The following HERC4 variants were observed in gnomAD, a reference collection of about 807,000 sequenced individuals.
HERC4 encodes HECT and RLD domain containing E3 ubiquitin protein ligase 4.
Under a neutral mutation model 124.3 loss-of-function variants are expected in HERC4, and 28 were observed. The observed-to-expected ratio is 0.23, with a 90% CI of 0.17 to 0.31. HERC4 has a LOEUF of 0.31. Among genes scored for constraint, HERC4 ranks in the 10% least tolerant of loss-of-function variants. The probability of loss-of-function intolerance (pLI) is 1.00; values close to 1 mark genes in which losing one functional copy is unlikely to be tolerated. For synonymous variants in HERC4, 407 were observed against 421.5 expected (o/e 0.97, Z 0.42); for missense variants, 713 against 1,229.3 (o/e 0.58, Z 6.28).
chr10:68,015,850 T>A (rs1193193652), intron 8 of HERC4, among the ~76,000 whole-genome samples: 3 of 152,112 alleles, frequency 2.0e-5, no homozygotes, highest in African/African-American at 7.2e-5. Context: ...GGCCTATAAT[T>A]CCAGCACTTT....
chr10:68,049,773 T>C (rs559305493), intron 3 of HERC4, among the ~76,000 whole-genome samples: 2 of 151,612 alleles, frequency 1.3e-5, no homozygotes, highest in Non-Finnish European at 2.9e-5. Flanking sequence ...TAGCCAGGCA[T>C]GGGGGCAAAT....
Position 67,940,985 on chromosome 10 carries a change from T to G in HERC4, c.2458A>C (p.Lys820Gln). 1.9e-6 allele frequency: 3 copies of G among 1,611,536 alleles called. No homozygotes were observed. The highest frequency in any genetic ancestry group is 2.5e-6 in the Non-Finnish European group (3 of 1,179,376). ...TCTTTCAAATCATCCAAGGATGGCT[T>G]CTTTTTCAGTAGTTTCTTATATAAA... ...LALYKKLLKK[K>Q]PSLDDLKELM... Residue 820 changes from lysine to glutamine, a missense_variant, in exon 20 of 25, where the codon AAG (lysine) becomes CAG (glutamine). Physicochemically the swap from Lys to Gln is moderately conservative, Grantham distance 53 (BLOSUM62 1). Coordinates refer to ENST00000373700, the MANE Select transcript of HERC4 (RefSeq NM_015601.4).
In HERC4 at chr10:67,927,413, TATATATATA is replaced by T. The variant is rs2031185727; in HGVS notation, c.2839-2235_2839-2227del. Among the ~76,000 whole-genome samples, 31 of 12,980 alleles carry T rather than the reference TATATATATA, an allele frequency of 2.4e-3. 2 individuals are homozygous for T. The highest frequency in any genetic ancestry group is 9.0e-3 in the South Asian group (7 of 774). The allele number at this position is 12,980 out of a possible 152,430, so 8.5% of individuals were successfully genotyped here. On this transcript the variant is annotated intron_variant, in intron 23 of 24. Transcript: ENST00000373700. ...ATATATATATATATATATATATATA[TATATATATA>T]TATATATATTTTTTTTTTTTTTTAG...
Position 67,988,892 on chromosome 10 carries a change from T to G in HERC4, c.1634-57A>C, listed in dbSNP as rs555464841. 9.5e-5 allele frequency: 133 copies of G among 1,398,830 alleles called. No individual in the cohort carries two copies. In the African/African-American group the frequency reaches 1.5e-3, roughly 15 times the overall value. The allele number at this position is 1,398,830 out of a possible 1,614,324, so 86.7% of individuals were successfully genotyped here. The stretch of plus-strand genomic sequence containing the variant: ...TGAATTTTTTAAAAAATCACAATTT[T>G]CAAAATCATACTGACTTTTTTTCTG... On this transcript the variant is annotated intron_variant, in intron 14 of 24. Transcript: ENST00000373700.
intron 24 of HERC4, among the ~76,000 whole-genome samples, chr10:67,924,684 C>T (rs1006738279): frequency 3.3e-5 from 5 of 152,196 alleles, no homozygotes; most frequent in African/African-American, 1.2e-4. Context: ...CCAATTTATA[C>T]AAGAAACTTG....
chr10:68,069,977 G>T lies in HERC4; in HGVS notation c.226+2906C>A, dbSNP rs977123840. On this transcript the variant is annotated intron_variant, in intron 3 of 24. Transcript: ENST00000373700. ...GAATCGCTTGAACCTGGGAGGCGGA[G>T]GTTGCAGTGAGCAGAGATCGTGCCA... The T allele has an allele frequency of 1.8e-5, 11 of 607,888 alleles. No homozygotes were observed. In the African/African-American group the frequency reaches 2.2e-4, roughly 12 times the overall value. The allele number at this position is 607,888 out of a possible 1,614,324, so 37.7% of individuals were successfully genotyped here. A position where few individuals can be genotyped will look rare whatever the true frequency, so the allele number is the denominator to read the frequency against.
At chr10:67,952,620 C>T (rs993651687) in intron 19 of HERC4, among the ~76,000 whole-genome samples, 3 of 149,878 alleles carry the variant, frequency 2.0e-5, no homozygotes, top group Admixed American at 6.7e-5. Context: ...AATTGGAGGC[C>T]GGGCGCGGTG....
At chr10:68,066,144 A>G (rs1423914523) in intron 3 of HERC4, among the ~76,000 whole-genome samples, 1 of 152,200 alleles carries the variant, frequency 6.6e-6, no homozygotes, top group African/African-American at 2.4e-5. Flanking sequence ...TCTTTCATAC[A>G]TATCCCAAGC....
At chr10:68,060,555 A>C (rs552461913) in intron 3 of HERC4, among the ~76,000 whole-genome samples, 1 of 152,274 alleles carries the variant, frequency 6.6e-6, no homozygotes, top group African/African-American at 2.4e-5. Flanking sequence ...AATACATTCT[A>C]AATATTTCAA....
At chr10:68,064,176 T>G (rs1444934374) in intron 3 of HERC4, among the ~76,000 whole-genome samples, 1 of 149,218 alleles carries the variant, frequency 6.7e-6, no homozygotes, top group Admixed American at 6.6e-5. Context: ...GAAGCAGAGG[T>G]TGCCGTGAGC....
chr10:67,985,467 A>G (rs2036205561), intron 15 of HERC4, among the ~76,000 whole-genome samples: 2 of 152,192 alleles, frequency 1.3e-5, no homozygotes, highest in South Asian at 4.1e-4. Flanking sequence ...TTTTAATTAA[A>G]GTTTAGTATT....
chr10:68,061,446 T>C (rs1298250439), intron 3 of HERC4, among the ~76,000 whole-genome samples: 2 of 135,794 alleles, frequency 1.5e-5, no homozygotes, highest in East Asian at 2.3e-4. Context: ...GGCAGGAGAA[T>C]GGCATGAACC....
rs535429251 is a variant in HERC4 at position 68,028,857 on chromosome 10, A to G, written c.778-3181T>C. On this transcript the variant is annotated intron_variant, in intron 7 of 24. Coordinates refer to ENST00000373700, the MANE Select transcript of HERC4 (RefSeq NM_015601.4). Reference sequence around the variant, plus strand: ...TCCTATTTATATGTAATATATTGGAATTTATTTGCTATTAGCAAATTTACT... The same window carrying G: ...TCCTATTTATATGTAATATATTGGAGTTTATTTGCTATTAGCAAATTTACT... Among the ~76,000 whole-genome samples the G allele has an allele frequency of 3.9e-5, 6 of 152,278 alleles. No individual in the cohort carries two copies. In the South Asian group the frequency reaches 1.2e-3, roughly 32 times the overall value.
intron 8 of HERC4, among the ~76,000 whole-genome samples, chr10:68,020,757 A>G (rs1801737468): frequency 6.8e-6 from 1 of 147,330 alleles, no homozygotes. Context: ...CGACAGAGCG[A>G]GACTCCGTCT....
intron 9 of HERC4, among the ~76,000 whole-genome samples, chr10:68,000,576 C>CAAAA (rs34603437): frequency 1.4e-5 from 2 of 138,200 alleles, no homozygotes; most frequent in Non-Finnish European, 3.1e-5. Flanking sequence ...CAGACTGTCT[C>CAAAA]AAAAAAAAAA....
At position 67,985,308 on chromosome 10, in the gene HERC4, T is replaced by C. The variant is rs184973735; in HGVS notation, c.1806+3355A>G. 2.6e-4 allele frequency among the ~76,000 whole-genome samples: 39 copies of C among 152,280 alleles called. 1 individual carries two copies. Among genetic ancestry groups the C allele is most frequent in the African/African-American group, 9.1e-4 (38 of 41,560 alleles). ...ACATCACTAATATCTAATATAATAA[T>C]AAGCACATAGTAGGCACTCTATTTG... On this transcript the variant is annotated intron_variant, in intron 15 of 24. Coordinates refer to ENST00000373700, the MANE Select transcript of HERC4 (RefSeq NM_015601.4).
intron 3 of HERC4, chr10:68,068,542 C>G (rs2041411493): frequency 6.5e-6 from 1 of 154,308 alleles, no homozygotes; most frequent in Non-Finnish European, 1.4e-5. Flanking sequence ...TAAGTGTAGT[C>G]CCAACTACTG....
At chr10:67,925,504 C>G (rs918848842) in intron 23 of HERC4, among the ~76,000 whole-genome samples, 18 of 152,232 alleles carry the variant, frequency 1.2e-4, no homozygotes, top group African/African-American at 4.3e-4. Context: ...CTGTGATAAT[C>G]AGAAAATTCC....
chr10:68,002,674 C>G (rs1433991309), intron 9 of HERC4, among the ~76,000 whole-genome samples: 1 of 148,974 alleles, frequency 6.7e-6, no homozygotes, highest in Non-Finnish European at 1.5e-5. Context: ...TCTCAGCTCA[C>G]TGCAACCTCT....
Sources: gnomAD v4.1 joint callset for allele counts (sites outside exome capture counted in the v4.1 genomes callset) on GRCh38, gnomAD v4.1.1 for gene constraint, MANE v1.5 for transcripts, NCBI Gene and HGNC (gene_info 2026-07-23, HGNC 2026-07-21) for gene names.